Variants in MGST2 observed in about 807,000 individuals in gnomAD.
MGST2 encodes microsomal glutathione S-transferase 2, also known as glutathione peroxidase MGST2.
A neutral mutation model predicts 16.6 loss-of-function variants in MGST2; 9 were observed. The observed-to-expected ratio is 0.54, with a 90% CI of 0.33 to 0.95. MGST2 has a LOEUF of 0.95. Among genes scored for constraint, MGST2 ranks in the 40% least tolerant of loss-of-function variants. The probability of loss-of-function intolerance (pLI) is 0.03; values close to 1 mark genes in which losing one functional copy is unlikely to be tolerated. For missense variants in MGST2, 159 were observed against 175.1 expected (o/e 0.91, Z 0.52); for synonymous variants, 79 against 68.0 (o/e 1.16, Z -0.79).
At chr4:139,722,148 G>C (rs1023628454) in intron 5 of MGST2, among the ~76,000 whole-genome samples, 19 of 152,170 alleles carry the variant, frequency 1.2e-4, no homozygotes, top group African/African-American at 4.6e-4. Context: ...ATGAGAAATA[G>C]GTTCCTTTCT....
intron 2 of MGST2, among the ~76,000 whole-genome samples, chr4:139,689,692 G>T (rs1171441933): frequency 1.3e-5 from 2 of 152,190 alleles, no homozygotes; most frequent in East Asian, 3.8e-4. Context: ...AACTTCCTTT[G>T]AATTGCTTTG....
At chr4:139,708,730 C>T (rs1006829803), downstream of MGST2, among the ~76,000 whole-genome samples, 9 of 152,080 alleles carry the variant, frequency 5.9e-5, no homozygotes, top group Admixed American at 1.3e-4. Flanking sequence ...GGGCCAGGCG[C>T]GGTGGCTCAC....
intron 5 of MGST2, among the ~76,000 whole-genome samples, chr4:139,723,119 G>A (rs1421812203): frequency 3.3e-5 from 5 of 152,208 alleles, no homozygotes; most frequent in East Asian, 1.9e-4. Flanking sequence ...ATATGAGTGC[G>A]AAATAATTTG....
At chr4:139,668,537 C>G (rs1730490877) in intron 1 of MGST2, among the ~76,000 whole-genome samples, 2 of 145,820 alleles carry the variant, frequency 1.4e-5, no homozygotes, top group South Asian at 4.4e-4. Flanking sequence ...TGTCTTATTT[C>G]TACAAAAAGT....
chr4:139,668,425 A>T (rs1259929785), intron 1 of MGST2, among the ~76,000 whole-genome samples: 1 of 152,238 alleles, frequency 6.6e-6, no homozygotes, highest in Non-Finnish European at 1.5e-5. Context: ...GGACCATTTC[A>T]AAATATGACA....
chr4:139,676,950 T>C (rs1730991066), intron 1 of MGST2, among the ~76,000 whole-genome samples: 1 of 152,064 alleles, frequency 6.6e-6, no homozygotes, highest in Non-Finnish European at 1.5e-5. Flanking sequence ...ATTAATGGAG[T>C]CTGACACCTG....
At chr4:139,698,667 C>A in intron 3 of MGST2, 1 of 719,538 alleles carries the variant, frequency 1.4e-6, no homozygotes, top group East Asian at 2.7e-5. Flanking sequence ...AATCCTGCTC[C>A]CACATAAAAG....
intron 1 of MGST2, among the ~76,000 whole-genome samples, chr4:139,670,627 G>T: frequency 6.6e-6 from 1 of 152,240 alleles, no homozygotes; most frequent in South Asian, 2.1e-4. Context: ...ATTAAGAGAA[G>T]GGGTGGCCAG....
At chr4:139,687,165 T>G (rs754122341) in intron 2 of MGST2, among the ~76,000 whole-genome samples, 2 of 152,196 alleles carry the variant, frequency 1.3e-5, no homozygotes, top group Non-Finnish European at 2.9e-5. Flanking sequence ...AGAGAGTAGT[T>G]AAAAAATGAC....
At chr4:139,721,769 T>C (rs1728242872) in intron 5 of MGST2, among the ~76,000 whole-genome samples, 1 of 152,118 alleles carries the variant, frequency 6.6e-6, no homozygotes, top group South Asian at 2.1e-4. Context: ...TTTTCATATA[T>C]TTTTTTAAGC....
chr4:139,702,416 T>A (rs993947868), intron 3 of MGST2, among the ~76,000 whole-genome samples: 16 of 152,318 alleles, frequency 1.1e-4, no homozygotes, highest in Middle Eastern at 6.8e-3. Flanking sequence ...GAACTTCGTA[T>A]AATTGGAATC....
chr4:139,741,443 T>C (rs780708385), downstream of MGST2, among the ~76,000 whole-genome samples: 1 of 152,330 alleles, frequency 6.6e-6, no homozygotes, highest in South Asian at 2.1e-4. Flanking sequence ...AAATAGCATC[T>C]ATTTTACAGC....
intron 2 of MGST2, chr4:139,685,449 C>T (rs1731509117): frequency 1.3e-5 from 2 of 153,158 alleles, no homozygotes; most frequent in African/African-American, 4.8e-5. Context: ...CTTGTGTCTG[C>T]TCTCATTCTC....
At chr4:139,739,336 A>G (rs1223928559) in intron 5 of MGST2, among the ~76,000 whole-genome samples, 1 of 152,232 alleles carries the variant, frequency 6.6e-6, no homozygotes, top group Non-Finnish European at 1.5e-5. Context: ...TTGCAGGGAT[A>G]AAAGCAACAA....
At chr4:139,719,407 A>C in intron 5 of MGST2, 4 of 1,613,904 alleles carry the variant, frequency 2.5e-6, no homozygotes, top group Non-Finnish European at 3.4e-6. Context: ...CAAGGTCTGC[A>C]CCGTCCGGGA....
chr4:139,753,932 C>T, the MGST2 span, among the ~76,000 whole-genome samples: 1 of 152,272 alleles, frequency 6.6e-6, no homozygotes, highest in African/African-American at 2.4e-5. Context: ...GAATGATTAA[C>T]TCTGTCTGGA....
downstream of MGST2, among the ~76,000 whole-genome samples, chr4:139,741,096 GAGT>G (rs1443347606): frequency 2.0e-5 from 3 of 152,194 alleles, no homozygotes; most frequent in East Asian, 5.8e-4. Flanking sequence ...CCATTCCTAT[GAGT>G]AGAAGCCTGC....
chr4:139,679,629 C>T (rs893405488), intron 2 of MGST2, among the ~76,000 whole-genome samples: 2 of 151,924 alleles, frequency 1.3e-5, no homozygotes, highest in Admixed American at 6.6e-5. Context: ...TTTGGTAGGC[C>T]TTGGTCCTTG....
the MGST2 span, among the ~76,000 whole-genome samples, chr4:139,746,433 T>C: frequency 2.0e-5 from 3 of 146,802 alleles, no homozygotes; most frequent in Non-Finnish European, 4.5e-5. Flanking sequence ...ATGAAAAATC[T>C]TCCCTTTAAA....
Sources: gnomAD v4.1 joint callset for allele counts (sites outside exome capture counted in the v4.1 genomes callset) on GRCh38, gnomAD v4.1.1 for gene constraint, MANE v1.5 for transcripts, NCBI Gene and HGNC (gene_info 2026-07-23, HGNC 2026-07-21) for gene names.